Variants in LOXL2 observed in about 807,000 individuals in gnomAD.
LOXL2 encodes lysyl oxidase homolog 2.
LOXL2 carries 70 observed loss-of-function variants against 93.0 expected under a neutral mutation model. The ratio of observed to expected loss-of-function variants is 0.75; its 90% CI spans 0.62 to 0.92. LOXL2 has a LOEUF of 0.92. LOXL2 is among the 40% of genes least tolerant of loss of function. The probability of loss-of-function intolerance (pLI) is 0.00; values close to 1 mark genes in which losing one functional copy is unlikely to be tolerated. For synonymous variants in LOXL2, 438 were observed against 413.2 expected, an observed-to-expected ratio of 1.06 and a Z score of -0.73; for missense variants, 973 against 1,054.9, an observed-to-expected ratio of 0.92 and a Z score of 1.08.
chr8:23,346,173 TAAATA>T (rs1270591467), intron 3 of LOXL2, among the ~76,000 whole-genome samples: 4 of 106,930 alleles, frequency 3.7e-5, no homozygotes, highest in African/African-American at 1.2e-4. Context: ...TAAAATAAAA[TAAATA>T]AAATAATAAA....
Position 23,303,936 on chromosome 8 carries a change from A to T in LOXL2, c.1881-539T>A, listed in dbSNP as rs186468968. On this transcript the variant is annotated intron_variant, in intron 10 of 13. Coordinates refer to ENST00000389131, the MANE Select transcript of LOXL2 (RefSeq NM_002318.3). Reference sequence around the variant, plus strand: ...GAATAGAACATGTGCCCTGCACAGGACACACACAGGTACCCCAAGGTCGTG... The same window carrying T: ...GAATAGAACATGTGCCCTGCACAGGTCACACACAGGTACCCCAAGGTCGTG... Among the ~76,000 whole-genome samples the T allele has an allele frequency of 2.4e-3, 361 of 152,362 alleles. 2 individuals are homozygous for T. The highest frequency in any genetic ancestry group is 0.013 in the South Asian group (64 of 4,832).
intron 3 of LOXL2, among the ~76,000 whole-genome samples, chr8:23,343,925 A>C (rs1803926412): frequency 6.6e-6 from 1 of 152,224 alleles, no homozygotes; most frequent in South Asian, 2.1e-4. Flanking sequence ...CATGCCCAGA[A>C]GGAAAGTTAC....
chr8:23,376,663 C>T (rs1804597760), intron 1 of LOXL2, among the ~76,000 whole-genome samples: 1 of 152,062 alleles, frequency 6.6e-6, no homozygotes, highest in Non-Finnish European at 1.5e-5. Flanking sequence ...CTGGTTTAGT[C>T]TTGGGAGAGT....
intron 12 of LOXL2, among the ~76,000 whole-genome samples, chr8:23,300,903 C>T (rs548130393): frequency 1.3e-5 from 2 of 152,322 alleles, no homozygotes; most frequent in South Asian, 4.1e-4. Context: ...ATGGCCACGG[C>T]TATTCATCTT....
intron 3 of LOXL2, 111 bp from the exon 4 acceptor site, chr8:23,341,314 G>T: frequency 2.3e-6 from 2 of 872,462 alleles, no homozygotes; most frequent in Non-Finnish European, 3.7e-6. Flanking sequence ...CCGCGGGCCT[G>T]CCTGTGCCCT....
rs548732663 is a variant in LOXL2, at chr8:23,322,065, G to A, written c.1302+65C>T. The A allele has an allele frequency of 1.6e-4, 244 of 1,562,172 alleles. No individual in the cohort carries two copies. The African/African-American group carries it at 2.9e-3, about 18-fold the overall frequency. On this transcript the variant is annotated intron_variant, in intron 7 of 13. Transcript: ENST00000389131. ...CTGGTCACTTCCAGGGTTCACCCCA[G>A]AGCTCTGTGGCTATACTTTCTGCAG... is the stretch of plus-strand genomic sequence containing the variant.
At position 23,360,151 on chromosome 8, in the gene LOXL2, AC is replaced by A. The variant is rs1804265441; in HGVS notation, c.469del (p.Val157CysfsTer16). On this transcript the variant is annotated frameshift_variant, in exon 3 of 14. Coordinates refer to ENST00000389131, the MANE Select transcript of LOXL2 (RefSeq NM_002318.3). LOFTEE classifies it high-confidence loss of function. ...DCKHTEDVGV[V>X]CSDKRIPGFK... ...CCCAGGAATCCTTTTGTCGCTGCACACCACACCGACATCCTCCGTGTGCTTG... is the reference window on the plus strand; with the variant it reads ...CCCAGGAATCCTTTTGTCGCTGCACACACACCGACATCCTCCGTGTGCTTG... The A allele has an allele frequency of 6.2e-7, 1 of 1,613,818 alleles. No individual in the cohort carries two copies. The highest frequency in any genetic ancestry group is 1.1e-5 in the South Asian group (1 of 91,086).
intron 1 of LOXL2, among the ~76,000 whole-genome samples, chr8:23,383,600 TA>T (rs1318812162): frequency 6.6e-6 from 1 of 151,722 alleles, no homozygotes; most frequent in East Asian, 1.9e-4. Flanking sequence ...TTAAGACATT[TA>T]AGGCTTAAGG....
At chr8:23,307,702 C>T (rs938947356) in intron 10 of LOXL2, among the ~76,000 whole-genome samples, 1 of 152,190 alleles carries the variant, frequency 6.6e-6, no homozygotes, top group Non-Finnish European at 1.5e-5. Flanking sequence ...CTTCCACCCA[C>T]ACGTTCCCCG....
chr8:23,398,733 C>T (rs1242132410), intron 1 of LOXL2, among the ~76,000 whole-genome samples: 1 of 152,192 alleles, frequency 6.6e-6, no homozygotes, highest in Non-Finnish European at 1.5e-5. Flanking sequence ...GGCTGGAATG[C>T]ACTATAGCCT....
intron 1 of LOXL2, among the ~76,000 whole-genome samples, chr8:23,385,450 G>A (rs554194494): frequency 2.0e-5 from 3 of 150,374 alleles, no homozygotes; most frequent in South Asian, 2.1e-4. Context: ...AGTAGAGAAG[G>A]GGTTTCACCA....
intron 3 of LOXL2, among the ~76,000 whole-genome samples, chr8:23,357,229 C>G (rs1379070433): frequency 1.3e-5 from 2 of 152,138 alleles, no homozygotes; most frequent in Non-Finnish European, 2.9e-5. Context: ...ACCACCATGC[C>G]TGGCTAATTT....
chr8:23,331,473 C>A (rs933380839), intron 5 of LOXL2: 1 of 152,246 alleles, frequency 6.6e-6, no homozygotes, highest in Non-Finnish European at 1.5e-5. Flanking sequence ...AAACAGTGCA[C>A]TAAGTACTGA....
At chr8:23,343,432 G>T (rs1250225931) in intron 3 of LOXL2, among the ~76,000 whole-genome samples, 1 of 152,236 alleles carries the variant, frequency 6.6e-6, no homozygotes, top group East Asian at 1.9e-4. Context: ...CACACTGTGG[G>T]CGGGCCAGGG....
At chr8:23,403,140 C>A (rs534055155) in intron 1 of LOXL2, among the ~76,000 whole-genome samples, 1 of 152,268 alleles carries the variant, frequency 6.6e-6, no homozygotes, top group African/African-American at 2.4e-5. Context: ...AGAAGGGGCG[C>A]GGTGGGCAAA....
chr8:23,303,266 C>T lies in LOXL2; in HGVS notation c.1996+16G>A. 2.6e-6 allele frequency: 4 copies of T among 1,540,298 alleles called. No homozygotes were observed. The highest frequency in any genetic ancestry group is 3.6e-6 in the Non-Finnish European group (4 of 1,113,588). On this transcript the variant is annotated intron_variant, in intron 11 of 13. Coordinates refer to ENST00000389131, the MANE Select transcript of LOXL2 (RefSeq NM_002318.3). Reference sequence around the variant, plus strand: ...GTCCCTCTGAGGCCTCCCATCCCCCCACTCCGCTCAGATACCTCCTTCACA... The same window carrying T: ...GTCCCTCTGAGGCCTCCCATCCCCCTACTCCGCTCAGATACCTCCTTCACA...
rs367754650 is a variant in LOXL2, at chr8:23,360,174, C to T, written c.447G>A (p.Lys149=). The change falls in exon 3 of 14, where the codon AAG becomes AAA. Residue 149 remains lysine (K), a synonymous_variant. Coordinates refer to ENST00000389131, the MANE Select transcript of LOXL2 (RefSeq NM_002318.3). ...TSNGWGVTDC[K]HTEDVGVVCS... is the part of the protein sequence containing the mutation. ...ACACCACACCGACATCCTCCGTGTGCTTGCAGTCAGTGACGCCCCAGCCAT... is the reference window on the plus strand; with the variant it reads ...ACACCACACCGACATCCTCCGTGTGTTTGCAGTCAGTGACGCCCCAGCCAT... 3.1e-6 allele frequency: 5 copies of T among 1,613,986 alleles called. No homozygotes were observed. The highest frequency in any genetic ancestry group is 4.2e-6 in the Non-Finnish European group (5 of 1,179,966).
chr8:23,392,132 T>C (rs1396472377), intron 1 of LOXL2, among the ~76,000 whole-genome samples: 1 of 152,200 alleles, frequency 6.6e-6, no homozygotes. Context: ...GCTTGTCCTA[T>C]GACAGCCAAA....
At position 23,298,005 on chromosome 8, in the gene LOXL2, G is replaced by A; in HGVS notation, c.*38C>T. On this transcript the variant is annotated 3_prime_UTR_variant, in exon 14 of 14. Transcript: ENST00000389131. ...GGGGGGAAGTCCCATGGAAGATGTG[G>A]TGTGGCCTGAAGACAGGAGTTGACC... The A allele has an allele frequency of 6.5e-7, 1 of 1,544,948 alleles. No individual in the cohort carries two copies. The highest frequency in any genetic ancestry group is 1.1e-5 in the South Asian group (1 of 88,752).
Sources: allele counts gnomAD v4.1 joint callset (sites outside exome capture counted in the v4.1 genomes callset), GRCh38; gene constraint gnomAD v4.1.1; transcripts MANE v1.5; gene names NCBI Gene and HGNC (gene_info 2026-07-23, HGNC 2026-07-21).